The following NRXN2 variants were observed in gnomAD, a reference collection of about 807,000 sequenced individuals.
NRXN2 encodes the protein neurexin 2.
A neutral mutation model predicts 128.8 loss-of-function variants in NRXN2; 29 were observed. The observed-to-expected ratio is 0.23, with a 90% CI of 0.17 to 0.31. The LOEUF (loss-of-function observed/expected upper bound fraction) is 0.31. NRXN2 is among the 10% of genes least tolerant of loss of function. The pLI is 1.00. For synonymous variants in NRXN2, 1,098 were observed against 1,075.2 expected (o/e 1.02, Z -0.41); for missense variants, 1,881 against 2,452.6 (o/e 0.77, Z 4.92).
rs773425677 is a variant in NRXN2, at chr11:64,668,409, G to A, written c.1359+34C>T. 3.7e-6 allele frequency: 6 copies of A among 1,611,250 alleles called. No individual in the cohort carries two copies. In the Admixed American group the frequency reaches 1.0e-4, roughly 27 times the overall value. Reference sequence around the variant, plus strand: ...TGAAGACAGGAGACAAAGGGCTCCTGAACAGCCTGCAGCCCCTCCCTAGCC... The same window carrying A: ...TGAAGACAGGAGACAAAGGGCTCCTAAACAGCCTGCAGCCCCTCCCTAGCC... On this transcript the variant is annotated intron_variant, in intron 8 of 22. Coordinates refer to ENST00000265459, the MANE Select transcript of NRXN2 (RefSeq NM_015080.4).
intron 15 of NRXN2, among the ~76,000 whole-genome samples, chr11:64,650,233 AAC>A (rs1296153325): frequency 6.6e-6 from 1 of 152,076 alleles, no homozygotes; most frequent in African/African-American, 2.4e-5. Flanking sequence ...CGCATCCTGC[AAC>A]CAGGCTTTCA....
At position 64,708,963 on chromosome 11, in the gene NRXN2, G is replaced by A. The variant is rs540826574; in HGVS notation, c.730+4007C>T. ...TCCCAGCACTTTGAGAGGCCAATGC[G>A]GGCGGATCACTTGAGGCCGGGAGTT... is the stretch of plus-strand genomic sequence containing the variant. On this transcript the variant is annotated intron_variant, in intron 2 of 22. Coordinates refer to ENST00000265459, the MANE Select transcript of NRXN2 (RefSeq NM_015080.4). Among the ~76,000 whole-genome samples the A allele has an allele frequency of 3.3e-5, 5 of 152,194 alleles. No homozygotes were observed. In the South Asian group the frequency reaches 1.0e-3, roughly 32 times the overall value.
At chr11:64,609,501 T>G (rs539500213) in intron 22 of NRXN2, among the ~76,000 whole-genome samples, 1 of 151,924 alleles carries the variant, frequency 6.6e-6, no homozygotes, top group South Asian at 2.1e-4. Context: ...ATAACTGGAG[T>G]CCCTTGGGCA....
chr11:64,668,295 C>T, intron 8 of NRXN2, 148 bp downstream of exon 8: 1 of 974,660 alleles, frequency 1.0e-6, no homozygotes, highest in East Asian at 2.6e-5. Flanking sequence ...AGTCAGTGGG[C>T]CTTAGGTTTT....
intron 11 of NRXN2, among the ~76,000 whole-genome samples, chr11:64,655,388 G>A (rs139648805): frequency 2.0e-5 from 3 of 152,272 alleles, no homozygotes; most frequent in Admixed American, 6.5e-5. Flanking sequence ...GGAAGAAAAC[G>A]GAGCAGAGGA....
At chr11:64,669,104 T>G (rs138796394) in intron 7 of NRXN2, among the ~76,000 whole-genome samples, 138 of 152,288 alleles carry the variant, frequency 9.1e-4, no homozygotes, top group Admixed American at 3.9e-3. Context: ...CCTGCAGCCC[T>G]CTCTGCTGGG....
Position 64,668,425 on chromosome 11 carries a change from C to A in NRXN2, c.1359+18G>T. 6.2e-7 allele frequency: 1 copy of A among 1,612,910 alleles called. No homozygotes were observed. On this transcript the variant is annotated intron_variant, in intron 8 of 22. Transcript: ENST00000265459. ...AGGGCTCCTGAACAGCCTGCAGCCC[C>A]TCCCTAGCCCTACTCACGTCCTTGA...
At chr11:64,678,512 A>G (rs1267521737) in intron 6 of NRXN2, among the ~76,000 whole-genome samples, 1 of 151,324 alleles carries the variant, frequency 6.6e-6, no homozygotes, top group Non-Finnish European at 1.5e-5. Context: ...CCAGAAATTC[A>G]CTCCCCTACA....
intron 17 of NRXN2, chr11:64,643,282 G>C: frequency 1.0e-6 from 1 of 980,438 alleles, no homozygotes; most frequent in Non-Finnish European, 1.2e-6. Flanking sequence ...GCGGGAGACC[G>C]ACGGCGACTG....
chr11:64,710,256 C>A lies in NRXN2; in HGVS notation c.730+2714G>T, dbSNP rs527267258. On this transcript the variant is annotated intron_variant, in intron 2 of 22. Transcript: ENST00000265459. ...TCTCTCTCACACACACACAGACACACACACACACAATGGGTCAGATACATA... is the reference window on the plus strand; with the variant it reads ...TCTCTCTCACACACACACAGACACAAACACACACAATGGGTCAGATACATA... 1.5e-4 allele frequency among the ~76,000 whole-genome samples: 23 copies of A among 152,194 alleles called. 2 individuals are homozygous for A. In the South Asian group the frequency reaches 4.6e-3, roughly 30 times the overall value.
intron 18 of NRXN2, among the ~76,000 whole-genome samples, chr11:64,633,564 C>T (rs1008305930): frequency 3.9e-5 from 6 of 152,208 alleles, no homozygotes; most frequent in Non-Finnish European, 8.8e-5. Context: ...GAGCAGCCCT[C>T]ACTCACAGAG....
chr11:64,706,257 G>C (rs1175836719), intron 2 of NRXN2, among the ~76,000 whole-genome samples: 1 of 137,618 alleles, frequency 7.3e-6, no homozygotes, highest in Admixed American at 8.3e-5. Context: ...GTGCCATGCT[G>C]GTGTGCTGCA....
chr11:64,683,708 C>G (rs1391666864), intron 6 of NRXN2, among the ~76,000 whole-genome samples: 1 of 152,182 alleles, frequency 6.6e-6, no homozygotes, highest in Non-Finnish European at 1.5e-5. Context: ...AGCAGACACC[C>G]TCTGTGGACC....
intron 22 of NRXN2, among the ~76,000 whole-genome samples, chr11:64,610,721 G>T (rs1162703190): frequency 6.6e-6 from 1 of 152,152 alleles, no homozygotes; most frequent in Non-Finnish European, 1.5e-5. Context: ...CTGGGATCCA[G>T]ACAAGGAAAG....
At chr11:64,659,800 G>A (rs566139604) in intron 11 of NRXN2, 110 of 195,994 alleles carry the variant, frequency 5.6e-4, no homozygotes, top group African/African-American at 2.3e-3. Flanking sequence ...TGTGTCCAGT[G>A]TACACACATG....
At position 64,622,931 on chromosome 11, in the gene NRXN2, C is replaced by T. The variant is rs1257168538; in HGVS notation, c.3995G>A (p.Arg1332Gln). Reference protein sequence around the residue: ...ALAAESDPNVRTEGHLRLVGE... With the variant: ...ALAAESDPNVQTEGHLRLVGE... ...CACCAGGCGCAGGTGACCCTCAGTC[C>T]GCACATTGGGGTCGCTCTCGGCGGC... Residue 1332 changes from arginine to glutamine, a missense_variant, in exon 21 of 23, where the codon CGG becomes CAG. Physicochemically the swap from Arg to Gln is conservative, Grantham distance 43. Around this residue, in one of 7 missense-constraint regions of NRXN2, gnomAD observed 108 missense variants for 165.2 expected, o/e 0.65. Transcript: ENST00000265459. This position sits in a 1 kb window ranked among gnomAD's most constrained non-coding sequence, Gnocchi z 4.3. The T allele has an allele frequency of 6.8e-6, 11 of 1,613,366 alleles. No individual in the cohort carries two copies. Among genetic ancestry groups the T allele is most frequent in the South Asian group, 2.2e-5 (2 of 91,000 alleles).
rs1338877830 is a variant in NRXN2 at position 64,667,386 on chromosome 11, A to G, written c.1662T>C (p.Phe554=). The G allele has an allele frequency of 6.2e-7, 1 of 1,614,168 alleles. No individual in the cohort carries two copies. Among genetic ancestry groups the G allele is most frequent in the Non-Finnish European group, 8.5e-7 (1 of 1,180,034 alleles). The change falls in exon 9 of 23, where the codon TTT becomes TTC. Residue 554 remains phenylalanine (F), a synonymous_variant. Transcript: ENST00000265459. The surrounding 1 kb of genome is among the most constrained non-coding windows in gnomAD (Gnocchi z 5.6). ...SHSSAQRADY[F]AMELLDGHLY... ...GGTGGCCGTCCAATAGCTCCATGGCAAAGTAGTCGGCCCGCTGAGCAGAGC... is the reference window on the plus strand; with the variant it reads ...GGTGGCCGTCCAATAGCTCCATGGCGAAGTAGTCGGCCCGCTGAGCAGAGC...
At chr11:64,705,485 T>C (rs945833550) in intron 2 of NRXN2, among the ~76,000 whole-genome samples, 1 of 151,376 alleles carries the variant, frequency 6.6e-6, no homozygotes, top group Non-Finnish European at 1.5e-5. Flanking sequence ...TGTGTTCCAA[T>C]TGCTCCTTTG....
chr11:64,649,153 G>C (rs915065260), intron 15 of NRXN2, among the ~76,000 whole-genome samples: 7 of 152,264 alleles, frequency 4.6e-5, no homozygotes, highest in African/African-American at 1.7e-4. Flanking sequence ...AGTGGGGGCT[G>C]GGGGACAGCT....
Sources: gnomAD v4.1 joint callset for allele counts (sites outside exome capture counted in the v4.1 genomes callset) on GRCh38, gnomAD v4.1.1 for gene constraint, gnomAD v4.1.1 regional missense constraint, Gnocchi (gnomAD v3.1) non-coding constraint, MANE v1.5 for transcripts, NCBI Gene and HGNC (gene_info 2026-07-23, HGNC 2026-07-21) for gene names.